Variants in SLC1A7 observed in about 807,000 individuals in gnomAD.
The protein encoded by SLC1A7 is solute carrier family 1 member 7.
Under a neutral mutation model 47.7 loss-of-function variants are expected in SLC1A7, and 40 were observed. The observed-to-expected ratio is 0.84, with a 90% CI of 0.65 to 1.09. The LOEUF (loss-of-function observed/expected upper bound fraction) is 1.09, where lower values mean the gene tolerates loss of function less well. Among genes scored for constraint, SLC1A7 ranks in the 50% least tolerant of loss-of-function variants. The pLI is 0.00. For synonymous variants in SLC1A7, 323 were observed against 325.6 expected (o/e 0.99, Z 0.09); for missense variants, 746 against 769.5 (o/e 0.97, Z 0.36).
At chr1:53,089,077 G>T in intron 9 of SLC1A7, 98 bp from the exon 10 acceptor site, 1 of 968,418 alleles carries the variant, frequency 1.0e-6, no homozygotes, top group Non-Finnish European at 1.7e-6. Flanking sequence ...CCGGTGACCA[G>T]CTGTCATGCA....
rs868705614 is a variant in SLC1A7 at position 53,088,143 on chromosome 1, C to G, written c.1549G>C (p.Glu517Gln). The change falls in exon 11 of 11, where the codon GAG becomes CAG. Residue 517 changes from glutamate (E) to glutamine (Q), a missense_variant. By Grantham distance (29) the Glu-to-Gln change is conservative. Transcript: ENST00000371494. Reference protein sequence around the residue: ...QQNGCVKSVAEASELTLGPTC... With the variant: ...QQNGCVKSVAQASELTLGPTC... The stretch of plus-strand genomic sequence containing the variant: ...GGGCCCAGGGTGAGCTCGGAGGCCT[C>G]GGCTACACTCTTCACACAGCCATTC... 9.9e-6 allele frequency: 16 copies of G among 1,613,274 alleles called. No homozygotes were observed. Among genetic ancestry groups the G allele is most frequent in the Middle Eastern group, 3.3e-4 (2 of 6,080 alleles).
At position 53,089,726 on chromosome 1, in the gene SLC1A7, G is replaced by A. The variant is rs575053063; in HGVS notation, c.1361+74C>T. 2.1e-5 allele frequency: 32 copies of A among 1,524,118 alleles called. No individual in the cohort carries two copies. The South Asian group carries it at 2.5e-4, about 12-fold the overall frequency. The allele number at this position is 1,524,118 out of a possible 1,614,324, so 94.4% of individuals were successfully genotyped here. A position where few individuals can be genotyped will look rare whatever the true frequency, so the allele number is the denominator to read the frequency against. ...TCTACCCTGGGGAAGGGACTCAGCCGCTCACCCTGATCCCTGCTGACCCTG... is the reference window on the plus strand; with the variant it reads ...TCTACCCTGGGGAAGGGACTCAGCCACTCACCCTGATCCCTGCTGACCCTG... On this transcript the variant is annotated intron_variant, in intron 9 of 10. Coordinates refer to ENST00000371494, the MANE Select transcript of SLC1A7 (RefSeq NM_006671.6).
At chr1:53,102,039 G>A (rs1488682413) in intron 5 of SLC1A7, among the ~76,000 whole-genome samples, 7 of 152,220 alleles carry the variant, frequency 4.6e-5, no homozygotes, top group Non-Finnish European at 7.3e-5. Flanking sequence ...AAGGGTCTCC[G>A]GTTCTTTTGT....
chr1:53,101,753 AGTACACTCACACACCCTGCCTCG>A (rs1374976984), intron 5 of SLC1A7, among the ~76,000 whole-genome samples: 4 of 141,030 alleles, frequency 2.8e-5, no homozygotes, highest in Non-Finnish European at 6.1e-5. Flanking sequence ...ACCCTGCCTC[AGTACACTCACACACCCTGCCTCG>A]GTACACTCAC....
At chr1:53,119,017 T>C (rs759439169) in intron 2 of SLC1A7, among the ~76,000 whole-genome samples, 1 of 152,078 alleles carries the variant, frequency 6.6e-6, no homozygotes, top group African/African-American at 2.4e-5. Flanking sequence ...TTTATATTGC[T>C]TCAGGTTTTA....
Position 53,103,202 on chromosome 1 carries a change from C to T in SLC1A7, c.697+144G>A, listed in dbSNP as rs202034949. 494 of 636,440 alleles carry T rather than the reference C, an allele frequency of 7.8e-4. 6 individuals carry two copies. In the East Asian group the frequency reaches 0.01, roughly 13 times the overall value. 39.4% of individuals were successfully genotyped at this position (636,440 alleles called of 1,614,324 possible). ...TGGGGAGGCGAAGGATTTAAATAAA[C>T]AGGTGTGGTGAATATTTCCAGTTTT... On this transcript the variant is annotated intron_variant, in intron 5 of 10. Coordinates refer to ENST00000371494, the MANE Select transcript of SLC1A7 (RefSeq NM_006671.6).
At chr1:53,121,264 G>A (rs1485284752) in intron 2 of SLC1A7, among the ~76,000 whole-genome samples, 2 of 152,184 alleles carry the variant, frequency 1.3e-5, no homozygotes, top group Non-Finnish European at 1.5e-5. Flanking sequence ...TAGATCAGAC[G>A]TGAAAAGGAC....
Position 53,090,667 on chromosome 1 carries a change from A to C in SLC1A7, c.1171T>G (p.Phe391Val). 3 of 1,612,366 alleles carry C rather than the reference A, an allele frequency of 1.9e-6. No individual in the cohort carries two copies. Among genetic ancestry groups the C allele is most frequent in the Non-Finnish European group, 2.5e-6 (3 of 1,178,734 alleles). Residue 391 changes from phenylalanine to valine, a missense_variant, in exon 8 of 11, where the codon TTC becomes GTC. Coordinates refer to ENST00000371494, the MANE Select transcript of SLC1A7 (RefSeq NM_006671.6). ...TCGTAGTTGTTGACCTGGGCGATGA[A>C]GATGGCGGCCACAGCCTCGTAGAGC... is the stretch of plus-strand genomic sequence containing the variant. ...TALYEAVAAI[F>V]IAQVNNYELD...
At position 53,087,906 on chromosome 1, in the gene SLC1A7, G is replaced by A; in HGVS notation, c.*103C>T. The A allele has an allele frequency of 3.5e-6, 2 of 570,684 alleles. No individual in the cohort carries two copies. The highest frequency in any genetic ancestry group is 7.3e-5 in the Admixed American group (2 of 27,450). The allele number at this position is 570,684 out of a possible 1,614,324, so 35.4% of individuals were successfully genotyped here. A position where few individuals can be genotyped will look rare whatever the true frequency, so the allele number is the denominator to read the frequency against. ...AGCCTCTCAAGGGTGAGAAGAATGTGTGATCCTGGCCCCTGCCGGCTGCTC... is the reference window on the plus strand; with the variant it reads ...AGCCTCTCAAGGGTGAGAAGAATGTATGATCCTGGCCCCTGCCGGCTGCTC... On this transcript the variant is annotated 3_prime_UTR_variant, in exon 11 of 11. Coordinates refer to ENST00000371494, the MANE Select transcript of SLC1A7 (RefSeq NM_006671.6).
Position 53,092,783 on chromosome 1 carries a change from A to G in SLC1A7, c.802T>C (p.Phe268Leu), listed in dbSNP as rs1440562686. 1 of 1,608,108 alleles carries G rather than the reference A, an allele frequency of 6.2e-7. No individual in the cohort carries two copies. The highest frequency in any genetic ancestry group is 1.1e-5 in the South Asian group (1 of 90,994). ...ATGAGGAACACAATGCCGAAGGGGA[A>G]ATACCTGGGGGCGGCGGGGCAGCCA... ...MKIVAVAVWYFPFGIVFLIAG... is the reference protein window; with the variant it reads ...MKIVAVAVWYLPFGIVFLIAG... Residue 268 changes from phenylalanine to leucine, a missense_variant, in exon 7 of 11, where the codon TTC becomes CTC. Phe to Leu is a conservative substitution (Grantham distance 22). Transcript: ENST00000371494.
chr1:53,108,768 A>T, intron 3 of SLC1A7: 2 of 663,358 alleles, frequency 3.0e-6, no homozygotes, highest in Non-Finnish European at 5.5e-6. Flanking sequence ...CCAGCTGCCC[A>T]CCTCCCACTT....
At chr1:53,130,530 C>T (rs1482387627) in intron 2 of SLC1A7, among the ~76,000 whole-genome samples, 1 of 147,440 alleles carries the variant, frequency 6.8e-6, no homozygotes, top group Non-Finnish European at 1.5e-5. Flanking sequence ...GTAGCCAGGA[C>T]ACACTGCAGA....
chr1:53,089,459 A>G (rs539338895), intron 9 of SLC1A7, among the ~76,000 whole-genome samples: 302 of 152,174 alleles, frequency 2.0e-3, no homozygotes, highest in Non-Finnish European at 3.5e-3. Flanking sequence ...TTTAGTAGAG[A>G]TGGGGATTTT....
intron 4 of SLC1A7, 102 bp from the exon 5 acceptor site, chr1:53,103,670 C>A: frequency 1.5e-6 from 1 of 656,422 alleles, no homozygotes; most frequent in East Asian, 2.9e-5. Flanking sequence ...TGTATCCATT[C>A]CTATCCTATT....
intron 1 of SLC1A7, among the ~76,000 whole-genome samples, chr1:53,139,879 T>C (rs1645039400): frequency 6.6e-6 from 1 of 152,230 alleles, no homozygotes; most frequent in African/African-American, 2.4e-5. Flanking sequence ...TGGATACACC[T>C]GTGATTCACC....
intron 3 of SLC1A7, 110 bp from the exon 4 acceptor site, chr1:53,105,884 C>T: frequency 1.2e-6 from 1 of 830,802 alleles, no homozygotes; most frequent in Non-Finnish European, 2.1e-6. Flanking sequence ...GGGCCTTCCT[C>T]AGGCCAGCCT....
intron 2 of SLC1A7, among the ~76,000 whole-genome samples, chr1:53,122,625 G>C (rs1405282128): frequency 6.6e-6 from 1 of 152,154 alleles, no homozygotes; most frequent in Non-Finnish European, 1.5e-5. Flanking sequence ...GAGGCCTAAG[G>C]CAGCATGCCC....
intron 6 of SLC1A7, 64 bp downstream of exon 6, chr1:53,093,397 G>T: frequency 1.6e-6 from 2 of 1,280,420 alleles, no homozygotes; most frequent in South Asian, 2.5e-5. Flanking sequence ...AGAGGGTGGG[G>T]TCTTGTCTTC....
intron 4 of SLC1A7, among the ~76,000 whole-genome samples, chr1:53,104,625 C>T (rs1465066372): frequency 1.3e-5 from 2 of 152,246 alleles, no homozygotes; most frequent in African/African-American, 2.4e-5. Context: ...GCCTAGCATT[C>T]AGTCCCCTTC....
Sources: allele counts gnomAD v4.1 joint callset (sites outside exome capture counted in the v4.1 genomes callset), GRCh38; gene constraint gnomAD v4.1.1; transcripts MANE v1.5; gene names NCBI Gene and HGNC (gene_info 2026-07-23, HGNC 2026-07-21).